UHRF2: variants seen among roughly 807,000 people sequenced by gnomAD.
UHRF2 encodes ubiquitin like with PHD and ring finger domains 2, also known as E3 ubiquitin-protein ligase UHRF2.
A neutral mutation model predicts 96.8 loss-of-function variants in UHRF2; 23 were observed. That is an observed-to-expected ratio of 0.24 (90% CI 0.17 to 0.34). UHRF2 has a LOEUF of 0.34. UHRF2 is among the 10% of genes least tolerant of loss of function. The pLI is 1.00. For missense variants in UHRF2, 685 were observed against 981.5 expected (o/e 0.70, Z 4.04); for synonymous variants, 385 against 332.6 (o/e 1.16, Z -1.72).
Position 6,505,914 on chromosome 9 carries a change from T to A in UHRF2, c.2263-119T>A, listed in dbSNP as rs1384307285. 3 of 1,042,990 alleles carry A rather than the reference T, an allele frequency of 2.9e-6. No individual in the cohort carries two copies. In the East Asian group the frequency reaches 7.3e-5, roughly 25 times the overall value. 64.6% of individuals were successfully genotyped at this position (1,042,990 alleles called of 1,614,324 possible). A position where few individuals can be genotyped will look rare whatever the true frequency, so the allele number is the denominator to read the frequency against. ...TAGTGCAGATTCAAGCCTTTATGTTTGTTCATTCTGTACATTTCTCTCATT... is the reference window on the plus strand; with the variant it reads ...TAGTGCAGATTCAAGCCTTTATGTTAGTTCATTCTGTACATTTCTCTCATT... On this transcript the variant is annotated intron_variant, in intron 15 of 15. Coordinates refer to ENST00000276893, the MANE Select transcript of UHRF2 (RefSeq NM_152896.3).
chr9:6,493,032 T>C (rs563071939), intron 9 of UHRF2, among the ~76,000 whole-genome samples: 46 of 152,214 alleles, frequency 3.0e-4, no homozygotes, highest in Admixed American at 2.6e-3. Context: ...GCGCAGTGGG[T>C]CATGCCTGTA....
intron 3 of UHRF2, among the ~76,000 whole-genome samples, chr9:6,454,319 A>G (rs1316363823): frequency 6.6e-6 from 1 of 152,234 alleles, no homozygotes; most frequent in African/African-American, 2.4e-5. Flanking sequence ...ACCTTGTCAC[A>G]TGAGTTGAAG....
chr9:6,486,849 A>C lies in UHRF2; in HGVS notation c.1421A>C (p.His474Pro). The C allele has an allele frequency of 6.2e-7, 1 of 1,614,110 alleles. No homozygotes were observed. The highest frequency in any genetic ancestry group is 8.5e-7 in the Non-Finnish European group (1 of 1,179,994). ...AGCGAAGCAGGTGTTCACAGACCCC[A>C]TGTTGGTGGAATTCATGGTCGAAGT... is the stretch of plus-strand genomic sequence containing the variant. The part of the protein sequence containing the change: ...QVSEAGVHRP[H>P]VGGIHGRSND... Residue 474 changes from histidine (H) to proline (P), a missense_variant, in exon 9 of 16, where the codon CAT becomes CCT. Physicochemically the swap from His to Pro is moderately conservative, Grantham distance 77. Coordinates refer to ENST00000276893, the MANE Select transcript of UHRF2 (RefSeq NM_152896.3).
At chr9:6,428,265 C>T (rs1203867660) in intron 2 of UHRF2, among the ~76,000 whole-genome samples, 1 of 152,136 alleles carries the variant, frequency 6.6e-6, no homozygotes, top group African/African-American at 2.4e-5. Context: ...AGAGCACGAT[C>T]ACTGTCTATA....
chr9:6,415,925 A>G (rs1218767371), intron 1 of UHRF2, among the ~76,000 whole-genome samples: 1 of 152,234 alleles, frequency 6.6e-6, no homozygotes, highest in African/African-American at 2.4e-5. Context: ...GACCAGCAGC[A>G]TTAGCTTTAC....
chr9:6,491,287 G>A (rs1038967089), intron 9 of UHRF2, among the ~76,000 whole-genome samples: 2 of 152,176 alleles, frequency 1.3e-5, no homozygotes, highest in African/African-American at 2.4e-5. Context: ...GATTTTAGGC[G>A]ATTTACTGAA....
At chr9:6,493,676 T>A in intron 9 of UHRF2, 150 bp from the exon 10 acceptor site, 1 of 621,596 alleles carries the variant, frequency 1.6e-6, no homozygotes, top group South Asian at 2.2e-5. Context: ...ACACACAAGA[T>A]TGCATTTAAA....
At position 6,436,048 on chromosome 9, in the gene UHRF2, T is replaced by G. The variant is rs545381988; in HGVS notation, c.644+1875T>G. 2.6e-5 allele frequency among the ~76,000 whole-genome samples: 4 copies of G among 152,352 alleles called. No individual in the cohort carries two copies. In the South Asian group the frequency reaches 6.2e-4, roughly 24 times the overall value. On this transcript the variant is annotated intron_variant, in intron 3 of 15. Coordinates refer to ENST00000276893, the MANE Select transcript of UHRF2 (RefSeq NM_152896.3). ...TTACTGTTGGGACAGATTTAGTATA[T>G]TAAACACACTAAATGACCTTAAGTC...
chr9:6,487,101 G>A (rs1210528717), intron 9 of UHRF2, among the ~76,000 whole-genome samples, 176 bp downstream of exon 9: 1 of 149,074 alleles, frequency 6.7e-6, no homozygotes, highest in South Asian at 2.1e-4. Context: ...TTCTTTACAT[G>A]TACTGGTTTG....
In UHRF2 at chr9:6,506,187, G is replaced by A. The variant is rs746164838; in HGVS notation, c.*8G>A. ...TACAGCAAAGGACGATGATCTGCCT[G>A]CTTTCACTGTGTTGTTCATGGTGGC... On this transcript the variant is annotated 3_prime_UTR_variant, in exon 16 of 16. Coordinates refer to ENST00000276893, the MANE Select transcript of UHRF2 (RefSeq NM_152896.3). The A allele has an allele frequency of 1.3e-5, 21 of 1,613,808 alleles. No homozygotes were observed. The East Asian group carries it at 4.5e-4, about 34-fold the overall frequency.
intron 3 of UHRF2, among the ~76,000 whole-genome samples, chr9:6,455,383 G>A (rs1175309414): frequency 5.9e-5 from 9 of 152,170 alleles, no homozygotes; most frequent in Non-Finnish European, 1.3e-4. Context: ...GTGAGAGCAT[G>A]CGGTGTTTGG....
At chr9:6,415,142 G>T (rs756281976) in intron 1 of UHRF2, 17 of 152,082 alleles carry the variant, frequency 1.1e-4, no homozygotes, top group African/African-American at 1.9e-4. Context: ...GATGTTCTTG[G>T]GCAACACTCC....
intron 9 of UHRF2, 76 bp downstream of exon 9, chr9:6,487,001 C>A: frequency 7.5e-7 from 1 of 1,333,182 alleles, no homozygotes; most frequent in Non-Finnish European, 1.1e-6. Context: ...GCCTAGGATA[C>A]ATCAAATACT....
chr9:6,443,011 C>G (rs2130794516), intron 3 of UHRF2, among the ~76,000 whole-genome samples: 1 of 152,098 alleles, frequency 6.6e-6, no homozygotes, highest in Non-Finnish European at 1.5e-5. Context: ...ATTTAGAGGT[C>G]TCGGGTTATA....
At chr9:6,429,664 A>AC (rs1373183788) in intron 2 of UHRF2, among the ~76,000 whole-genome samples, 1 of 152,144 alleles carries the variant, frequency 6.6e-6, no homozygotes, top group Admixed American at 6.5e-5. Context: ...TTAACATTGA[A>AC]CGTATATACT....
chr9:6,428,076 T>G (rs1487990581), intron 2 of UHRF2, among the ~76,000 whole-genome samples: 1 of 152,226 alleles, frequency 6.6e-6, no homozygotes, highest in Admixed American at 6.5e-5. Context: ...TGGTAAGCCT[T>G]TACAGTTTAG....
intron 4 of UHRF2, among the ~76,000 whole-genome samples, chr9:6,472,880 C>T (rs376475413): frequency 6.6e-6 from 1 of 152,090 alleles, no homozygotes; most frequent in Non-Finnish European, 1.5e-5. Context: ...GGAAAAAAGA[C>T]ACATAATTTT....
intron 4 of UHRF2, among the ~76,000 whole-genome samples, chr9:6,465,963 A>T (rs1822833943): frequency 6.6e-6 from 1 of 152,220 alleles, no homozygotes; most frequent in South Asian, 2.1e-4. Context: ...CAAGTTTGGG[A>T]TTCAAAAACA....
At chr9:6,476,412 T>C (rs1027896175) in intron 5 of UHRF2, among the ~76,000 whole-genome samples, 1 of 152,172 alleles carries the variant, frequency 6.6e-6, no homozygotes, top group African/African-American at 2.4e-5. Flanking sequence ...CTTAGAATTA[T>C]AGTGCTGATT....
Sources: allele counts gnomAD v4.1 joint callset (sites outside exome capture counted in the v4.1 genomes callset), GRCh38; gene constraint gnomAD v4.1.1; transcripts MANE v1.5; gene names NCBI Gene and HGNC (gene_info 2026-07-23, HGNC 2026-07-21).